The following FCHO1 variants were observed in gnomAD, a reference collection of about 807,000 sequenced individuals.
FCHO1 encodes F-BAR domain only protein 1.
A neutral mutation model predicts 114.4 loss-of-function variants in FCHO1; 45 were observed. The observed-to-expected ratio is 0.39, with a 90% confidence interval of 0.31 to 0.50. The LOEUF (loss-of-function observed/expected upper bound fraction) is 0.50. FCHO1 is among the 20% of genes least tolerant of loss of function. The pLI, the probability that FCHO1 is intolerant of heterozygous loss-of-function variation, is 0.77. For synonymous variants in FCHO1, 480 were observed against 488.9 expected (o/e 0.98, Z 0.24); for missense variants, 1,042 against 1,209.6 (o/e 0.86, Z 2.06).
Position 17,772,447 on chromosome 19 carries a change from C to A in FCHO1, c.595-10C>A, listed in dbSNP as rs1448800363. 5 of 1,612,712 alleles carry A rather than the reference C, an allele frequency of 3.1e-6. No homozygotes were observed. In the East Asian group the frequency reaches 1.1e-4, roughly 36 times the overall value. ...CCTCCTTTCCACCTGCCTCTGCCCT[C>A]CTGCTTCAGCGCTTCCAAGCCATGG... On this transcript the variant is annotated splice_polypyrimidine_tract_variant and intron_variant, in intron 9 of 28. Transcript: ENST00000596536.
At chr19:17,779,440 G>A (rs2093089646) in intron 20 of FCHO1, among the ~76,000 whole-genome samples, 1 of 151,900 alleles carries the variant, frequency 6.6e-6, no homozygotes, top group South Asian at 2.1e-4. Flanking sequence ...AGACTGGGGA[G>A]GCAACCAGGG....
rs2093569664 is a variant in FCHO1 at position 17,783,089 on chromosome 19, C to T, written c.2010C>T (p.Thr670=). ...GCATCGTGCGTGTGTTCAGCGGGAC[C>T]CCACCACCACCTGTCCTCAGCTTCC... The part of the protein sequence containing the change: ...PAGIVRVFSG[T]PPPPVLSFRL... The change falls in exon 24 of 29, where the codon ACC becomes ACT. Residue 670 remains threonine, a synonymous_variant. Transcript: ENST00000596536. The T allele has an allele frequency of 7.4e-6, 12 of 1,613,952 alleles. No individual in the cohort carries two copies. The East Asian group carries it at 2.5e-4, about 33-fold the overall frequency.
In FCHO1 at chr19:17,788,476, C is replaced by T; in HGVS notation, c.*170C>T. 3 of 590,600 alleles carry T rather than the reference C, an allele frequency of 5.1e-6. No homozygotes were observed. Among genetic ancestry groups the T allele is most frequent in the Admixed American group, 3.3e-5 (1 of 30,348 alleles). 36.6% of individuals were successfully genotyped at this position (590,600 alleles called of 1,614,324 possible). A position where few individuals can be genotyped will look rare whatever the true frequency, so the allele number is the denominator to read the frequency against. The stretch of plus-strand genomic sequence containing the variant: ...CTGAGCCCGAGATTCGCTCCTCCCC[C>T]TCATGCCAACCCCACACAGGTCCCG... On this transcript the variant is annotated 3_prime_UTR_variant, in exon 29 of 29. Transcript: ENST00000596536.
intron 18 of FCHO1, among the ~76,000 whole-genome samples, chr19:17,777,552 A>AG (rs967014172): frequency 2.1e-5 from 3 of 144,578 alleles, no homozygotes; most frequent in African/African-American, 7.7e-5. Context: ...AAAAAAAAAA[A>AG]AAAAAAAAAA....
chr19:17,759,226 C>T (rs1180714711), intron 4 of FCHO1, among the ~76,000 whole-genome samples: 10 of 105,920 alleles, frequency 9.4e-5, no homozygotes, highest in Middle Eastern at 7.1e-3. Flanking sequence ...AGCTGATTAC[C>T]TTTTTTTTTT....
chr19:17,772,416 C>A, intron 9 of FCHO1, 41 bp from the exon 10 acceptor site: 1 of 1,498,086 alleles, frequency 6.7e-7, no homozygotes, highest in Non-Finnish European at 9.3e-7. Context: ...TTCTTCTTGG[C>A]CCTGACCTCC....
intron 1 of FCHO1, among the ~76,000 whole-genome samples, chr19:17,752,956 C>T (rs569545476): frequency 2.0e-5 from 3 of 152,158 alleles, no homozygotes; most frequent in Admixed American, 6.5e-5. Flanking sequence ...CAGGCGTGAG[C>T]CTGTAGTCTC....
rs772323726 is a variant in FCHO1 at position 17,766,710 on chromosome 19, A to G, written c.236A>G (p.Asp79Gly). 6.2e-7 allele frequency: 1 copy of G among 1,614,128 alleles called. No homozygotes were observed. The highest frequency in any genetic ancestry group is 1.1e-5 in the South Asian group (1 of 91,088). Residue 79 changes from aspartate (D) to glycine (G), a missense_variant, in exon 7 of 29, where the codon GAC (aspartate) becomes GGC (glycine). By Grantham distance (94) the Asp-to-Gly change is moderately conservative (BLOSUM62 -1). Coordinates refer to ENST00000596536, the MANE Select transcript of FCHO1 (RefSeq NM_015122.3). ...PLWEVFRVSS[D>G]KLALCHLELT... ...TGGGAGGTCTTCCGCGTCTCCTCGG[A>G]CAAGCTGGCGCTGTGCCACCTGGAA...
At chr19:17,769,611 A>T (rs2090805169) in intron 7 of FCHO1, among the ~76,000 whole-genome samples, 1 of 151,690 alleles carries the variant, frequency 6.6e-6, no homozygotes, top group African/African-American at 2.4e-5. Flanking sequence ...ACACACACAC[A>T]CACACACACA....
intron 4 of FCHO1, among the ~76,000 whole-genome samples, chr19:17,758,050 C>T (rs1327680476): frequency 1.3e-5 from 2 of 151,530 alleles, no homozygotes; most frequent in African/African-American, 4.9e-5. Context: ...CCCGTCTCTA[C>T]TAAAAATACA....
intron 4 of FCHO1, among the ~76,000 whole-genome samples, chr19:17,762,238 G>A (rs965156883): frequency 1.3e-5 from 2 of 151,668 alleles, no homozygotes; most frequent in African/African-American, 4.8e-5. Context: ...CACCCACCTT[G>A]GCTTCTCAAA....
At chr19:17,771,985 G>A (rs568676183) in intron 9 of FCHO1, among the ~76,000 whole-genome samples, 21 of 152,098 alleles carry the variant, frequency 1.4e-4, no homozygotes, top group African/African-American at 5.1e-4. Context: ...GCTAATTTTT[G>A]TATTTTTAGT....
chr19:17,762,940 G>C, intron 5 of FCHO1, 87 bp downstream of exon 5: 1 of 902,770 alleles, frequency 1.1e-6, no homozygotes, highest in Non-Finnish European at 1.8e-6. Flanking sequence ...GCATGGTCAG[G>C]GGCTAGAACC....
intron 7 of FCHO1, among the ~76,000 whole-genome samples, chr19:17,768,587 A>T (rs2090222691): frequency 6.6e-6 from 1 of 151,794 alleles, no homozygotes; most frequent in African/African-American, 2.4e-5. Flanking sequence ...CCAGCTACTC[A>T]GGAGGCTGAG....
At position 17,766,689 on chromosome 19, in the gene FCHO1, A is replaced by C; in HGVS notation, c.215A>C (p.Glu72Ala). The C allele has an allele frequency of 6.2e-7, 1 of 1,614,134 alleles. No individual in the cohort carries two copies. Among genetic ancestry groups the C allele is most frequent in the Non-Finnish European group, 8.5e-7 (1 of 1,180,024 alleles). Residue 72 changes from glutamate to alanine, a missense_variant, in exon 7 of 29, where the codon GAG becomes GCG. Transcript: ENST00000596536. The stretch of plus-strand genomic sequence containing the variant: ...CCCAGGACCTTCGCCCCGCTCTGGG[A>C]GGTCTTCCGCGTCTCCTCGGACAAG... ...TPMGTFAPLW[E>A]VFRVSSDKLA...
At chr19:17,778,513 CT>C (rs2092945402) in intron 19 of FCHO1, 95 bp from the exon 20 acceptor site, 17 of 1,411,972 alleles carry the variant, frequency 1.2e-5, no homozygotes, top group South Asian at 4.3e-5. Flanking sequence ...GGGGGCCCCC[CT>C]GACCTTCCCT....
upstream of FCHO1, among the ~76,000 whole-genome samples, chr19:17,749,562 G>T (rs1401472639): frequency 6.6e-6 from 1 of 152,120 alleles, no homozygotes; most frequent in Non-Finnish European, 1.5e-5. Flanking sequence ...TTTGCCAAAT[G>T]AAGTGAGGAA....
At position 17,778,893 on chromosome 19, in the gene FCHO1, A is replaced by T. The variant is rs751736244; in HGVS notation, c.1627+9A>T. 4 of 1,545,062 alleles carry T rather than the reference A, an allele frequency of 2.6e-6. No individual in the cohort carries two copies. The highest frequency in any genetic ancestry group is 3.5e-6 in the Non-Finnish European group (4 of 1,153,970). ...GGCCTTGGCCGGAGGAGGTGAGTCCAGCGGGCCTGGGCCTGAGAGTTGCTG... is the reference window on the plus strand; with the variant it reads ...GGCCTTGGCCGGAGGAGGTGAGTCCTGCGGGCCTGGGCCTGAGAGTTGCTG... On this transcript the variant is annotated intron_variant, in intron 20 of 28. Coordinates refer to ENST00000596536, the MANE Select transcript of FCHO1 (RefSeq NM_015122.3).
Position 17,754,670 on chromosome 19 carries a change from T to G in FCHO1, c.-59T>G, listed in dbSNP as rs726909. 30,717 of 162,824 alleles carry G rather than the reference T, an allele frequency of 0.19. 3,046 individuals carry two copies. Among genetic ancestry groups the G allele is most frequent in the African/African-American group, 0.22 (9,065 of 41,544 alleles). 10.1% of individuals were successfully genotyped at this position (162,824 alleles called of 1,614,324 possible). On this transcript the variant is annotated 5_prime_UTR_variant, in exon 3 of 29. Coordinates refer to ENST00000596536, the MANE Select transcript of FCHO1 (RefSeq NM_015122.3). Reference sequence around the variant, plus strand: ...TGCAAATCTACTGTCCCTTCCTAGCTGTGTGATCTTGGCAAGTGACTTCCC... The same window carrying G: ...TGCAAATCTACTGTCCCTTCCTAGCGGTGTGATCTTGGCAAGTGACTTCCC...
Sources: allele counts gnomAD v4.1 joint callset (sites outside exome capture counted in the v4.1 genomes callset), GRCh38; gene constraint gnomAD v4.1.1; transcripts MANE v1.5; gene names NCBI Gene and HGNC (gene_info 2026-07-23, HGNC 2026-07-21).